The following EXOC4 variants were observed in gnomAD, a reference collection of about 807,000 sequenced individuals.
EXOC4 encodes the protein SEC8-like 1.
EXOC4 carries 71 observed loss-of-function variants against 107.2 expected under a neutral mutation model. The observed-to-expected ratio is 0.66, with a 90% CI of 0.55 to 0.81. The LOEUF (loss-of-function observed/expected upper bound fraction) is 0.81, where lower values mean the gene tolerates loss of function less well. Ranked by LOEUF, EXOC4 falls within the 30% of genes least tolerant of loss-of-function variation. EXOC4 has a pLI of 0.00. For synonymous variants in EXOC4, 456 were observed against 441.2 expected, an observed-to-expected ratio of 1.03 and a Z score of -0.42; for missense variants, 1,108 against 1,189.6, an observed-to-expected ratio of 0.93 and a Z score of 1.01.
At chr7:133,826,684 A>G (rs1409255694) in intron 11 of EXOC4, among the ~76,000 whole-genome samples, 4 of 152,200 alleles carry the variant, frequency 2.6e-5, no homozygotes, top group African/African-American at 9.6e-5. Context: ...AGTGGTGCTA[A>G]GAAAACACCT....
chr7:133,865,234 A>G (rs1050595507), intron 11 of EXOC4, among the ~76,000 whole-genome samples: 123 of 152,264 alleles, frequency 8.1e-4, no homozygotes, highest in Non-Finnish European at 9.1e-4. Context: ...ACCACTGTGT[A>G]TCAGTAGAAA....
chr7:133,840,719 G>C (rs1036671695), intron 11 of EXOC4, among the ~76,000 whole-genome samples: 1 of 151,934 alleles, frequency 6.6e-6, no homozygotes, highest in Non-Finnish European at 1.5e-5. Flanking sequence ...CTGGCCTCGC[G>C]ATCCACCTGC....
intron 17 of EXOC4, among the ~76,000 whole-genome samples, chr7:134,014,888 G>A (rs1157248251): frequency 6.6e-6 from 1 of 152,110 alleles, no homozygotes; most frequent in African/African-American, 2.4e-5. Context: ...CCATTAGTGG[G>A]GAAACTTTTA....
chr7:133,471,138 G>A (rs776997558), intron 7 of EXOC4, among the ~76,000 whole-genome samples: 26 of 152,142 alleles, frequency 1.7e-4, no homozygotes, highest in Non-Finnish European at 3.2e-4. Flanking sequence ...CTGGCCGGGT[G>A]TGCTGGCTCA....
chr7:133,638,769 C>T (rs529816249), intron 10 of EXOC4, among the ~76,000 whole-genome samples: 46 of 152,230 alleles, frequency 3.0e-4, no homozygotes, highest in Middle Eastern at 3.4e-3. Flanking sequence ...GTGGGACCAA[C>T]GCTGTATTTC....
intron 11 of EXOC4, among the ~76,000 whole-genome samples, chr7:133,820,599 T>C (rs1430057428): frequency 1.3e-5 from 2 of 152,230 alleles, no homozygotes; most frequent in African/African-American, 2.4e-5. Context: ...GCGTGAAAGA[T>C]GCATGTGGGT....
At chr7:133,819,890 A>G (rs1797469930) in intron 11 of EXOC4, among the ~76,000 whole-genome samples, 1 of 152,158 alleles carries the variant, frequency 6.6e-6, no homozygotes, top group Non-Finnish European at 1.5e-5. Flanking sequence ...TCAAGGCCAT[A>G]TGCTACCAAC....
chr7:133,498,058 G>T (rs2150883413), intron 9 of EXOC4, among the ~76,000 whole-genome samples: 1 of 152,194 alleles, frequency 6.6e-6, no homozygotes, highest in African/African-American at 2.4e-5. Flanking sequence ...ACCTTTCTGG[G>T]CTGTCTCATG....
intron 10 of EXOC4, among the ~76,000 whole-genome samples, chr7:133,798,795 A>T (rs2551014): frequency 0.99 from 150,031 of 152,152 alleles, 74,013 homozygotes; most frequent in Middle Eastern, 1. Flanking sequence ...AAAGACAAAA[A>T]AAAATAAAAT....
chr7:133,889,690 G>C (rs1469931647), intron 11 of EXOC4, among the ~76,000 whole-genome samples: 1 of 90,354 alleles, frequency 1.1e-5, no homozygotes, highest in Non-Finnish European at 2.1e-5. Context: ...TTTTGTTCTT[G>C]CGATAGTTTA....
At chr7:133,819,059 A>G (rs965788672) in intron 11 of EXOC4, among the ~76,000 whole-genome samples, 5 of 152,094 alleles carry the variant, frequency 3.3e-5, no homozygotes, top group Non-Finnish European at 7.4e-5. Flanking sequence ...GCCTCCCTCC[A>G]TAACAGGAGA....
intron 16 of EXOC4, among the ~76,000 whole-genome samples, chr7:134,006,019 C>A (rs1426809251): frequency 6.6e-6 from 1 of 152,074 alleles, no homozygotes; most frequent in South Asian, 2.1e-4. Context: ...TGGCAGTTAA[C>A]CCCATGGCAC....
chr7:133,526,389 C>T (rs1800079074), intron 9 of EXOC4, among the ~76,000 whole-genome samples: 2 of 152,094 alleles, frequency 1.3e-5, no homozygotes. Flanking sequence ...TTAAAATACA[C>T]CAGTTATTCA....
chr7:133,869,051 G>A (rs1013843372), intron 11 of EXOC4, among the ~76,000 whole-genome samples: 8 of 140,758 alleles, frequency 5.7e-5, no homozygotes, highest in Admixed American at 7.6e-5. Context: ...TGCACTGCAC[G>A]TCCAGCCTTT....
chr7:133,881,006 AGTTT>A (rs1473462937), intron 11 of EXOC4, among the ~76,000 whole-genome samples: 1 of 152,106 alleles, frequency 6.6e-6, no homozygotes, highest in Non-Finnish European at 1.5e-5. Context: ...AGAGCTTCAG[AGTTT>A]GTTTGTTATA....
At chr7:133,288,625 T>C (rs1355913170) in intron 2 of EXOC4, among the ~76,000 whole-genome samples, 1 of 152,186 alleles carries the variant, frequency 6.6e-6, no homozygotes, top group Non-Finnish European at 1.5e-5. Flanking sequence ...ATTTATGAGG[T>C]ACTTCATATT....
the EXOC4 span, among the ~76,000 whole-genome samples, chr7:134,089,158 T>G: frequency 2.0e-5 from 3 of 152,156 alleles, no homozygotes; most frequent in African/African-American, 7.2e-5. Context: ...CCCTTTAACT[T>G]CAGCCAATAT....
At chr7:133,789,430 G>T (rs1391718935) in intron 10 of EXOC4, among the ~76,000 whole-genome samples, 1 of 152,184 alleles carries the variant, frequency 6.6e-6, no homozygotes, top group Non-Finnish European at 1.5e-5. Flanking sequence ...TGCTTTCGAT[G>T]ACTTGTGCAG....
In EXOC4 at chr7:133,867,951, C is replaced by T. The variant is rs78079356; in HGVS notation, c.1735-27648C>T. On this transcript the variant is annotated intron_variant, in intron 11 of 17. Coordinates refer to ENST00000253861, the MANE Select transcript of EXOC4 (RefSeq NM_021807.4). Reference sequence around the variant, plus strand: ...CTAATGGCCTTCTCTTTTAAACCAGCGTGAATCTGAGGTTATTTCATTAAT... The same window carrying T: ...CTAATGGCCTTCTCTTTTAAACCAGTGTGAATCTGAGGTTATTTCATTAAT... Among the ~76,000 whole-genome samples, 929 of 152,250 alleles carry T rather than the reference C, an allele frequency of 6.1e-3. 6 individuals are homozygous for T. The highest frequency in any genetic ancestry group is 0.024 in the Middle Eastern group (7 of 294).
Sources: gnomAD v4.1 joint callset for allele counts (sites outside exome capture counted in the v4.1 genomes callset) on GRCh38, gnomAD v4.1.1 for gene constraint, MANE v1.5 for transcripts, NCBI Gene and HGNC (gene_info 2026-07-23, HGNC 2026-07-21) for gene names.